ARB2A: variants seen among roughly 807,000 people sequenced by gnomAD.
The protein encoded by ARB2A is cotranscriptional regulator ARB2A.
the ARB2A span, among the ~76,000 whole-genome samples, chr5:94,084,137 G>A: frequency 9.9e-5 from 15 of 151,830 alleles, no homozygotes; most frequent in Admixed American, 7.9e-4. Flanking sequence ...AGCCGGGCAT[G>A]GTGGCAGGCA....
At chr5:93,754,353 A>T in the ARB2A span, among the ~76,000 whole-genome samples, 3 of 152,134 alleles carry the variant, frequency 2.0e-5, no homozygotes, top group Non-Finnish European at 4.4e-5. Flanking sequence ...ACCTTCATCT[A>T]TTGCAGTTCA....
the ARB2A span, among the ~76,000 whole-genome samples, chr5:93,937,483 G>T: frequency 1.3e-5 from 2 of 151,716 alleles, no homozygotes; most frequent in South Asian, 4.2e-4. Context: ...GTGGTGGCAT[G>T]CACCTGTAGT....
At chr5:93,977,728 C>T in the ARB2A span, among the ~76,000 whole-genome samples, 743 of 152,140 alleles carry the variant, frequency 4.9e-3, 2 homozygotes, top group Non-Finnish European at 7.6e-3. Flanking sequence ...TGACAAAGTC[C>T]TCAAAAGCAA....
chr5:93,854,108 G>A, the ARB2A span, among the ~76,000 whole-genome samples: 1 of 152,120 alleles, frequency 6.6e-6, no homozygotes. Flanking sequence ...TGGTTGGTAA[G>A]CTATTGATTA....
chr5:93,888,368 A>T, the ARB2A span, among the ~76,000 whole-genome samples: 14 of 151,844 alleles, frequency 9.2e-5, no homozygotes, highest in African/African-American at 3.1e-4. Context: ...ACAAGTTAAA[A>T]CTGTTGCCCA....
At chr5:93,832,238 G>A in the ARB2A span, among the ~76,000 whole-genome samples, 9 of 152,196 alleles carry the variant, frequency 5.9e-5, no homozygotes, top group South Asian at 1.5e-3. Flanking sequence ...GGCTCACCTT[G>A]AGCAGATGCA....
At chr5:93,871,576 A>C in the ARB2A span, among the ~76,000 whole-genome samples, 2 of 152,218 alleles carry the variant, frequency 1.3e-5, no homozygotes, top group East Asian at 1.9e-4. Context: ...AATGAAGACA[A>C]CATATTATAA....
chr5:93,642,815 C>T, the ARB2A span, among the ~76,000 whole-genome samples: 1 of 152,176 alleles, frequency 6.6e-6, no homozygotes, highest in African/African-American at 2.4e-5. Context: ...CCACTGTGTC[C>T]AGCCCCTATT....
At chr5:94,032,497 A>G in the ARB2A span, among the ~76,000 whole-genome samples, 4 of 152,120 alleles carry the variant, frequency 2.6e-5, no homozygotes, top group Admixed American at 6.5e-5. Flanking sequence ...CCATGATCCA[A>G]TCGCTTCCCA....
the ARB2A span, among the ~76,000 whole-genome samples, chr5:94,092,905 G>A: frequency 6.6e-6 from 1 of 152,050 alleles, no homozygotes; most frequent in Non-Finnish European, 1.5e-5. Context: ...TGTTTAAAAT[G>A]TTCTAAAGGA....
At chr5:93,982,682 G>A in the ARB2A span, among the ~76,000 whole-genome samples, 1 of 152,156 alleles carries the variant, frequency 6.6e-6, no homozygotes, top group Non-Finnish European at 1.5e-5. Flanking sequence ...CTACTCCTAG[G>A]CTACAAACTT....
the ARB2A span, among the ~76,000 whole-genome samples, chr5:93,950,938 T>C: frequency 6.3e-5 from 9 of 142,718 alleles, no homozygotes; most frequent in Admixed American, 5.6e-4. Flanking sequence ...AGTGAGACTC[T>C]GTCTCAAAAA....
At chr5:93,914,211 T>G in the ARB2A span, among the ~76,000 whole-genome samples, 3 of 151,954 alleles carry the variant, frequency 2.0e-5, no homozygotes, top group African/African-American at 7.2e-5. Flanking sequence ...TTAGTAACAC[T>G]TTGAATTCTG....
chr5:93,706,427 TA>T, the ARB2A span, among the ~76,000 whole-genome samples: 1 of 152,344 alleles, frequency 6.6e-6, no homozygotes, highest in East Asian at 1.9e-4. Context: ...TTTATGGGTC[TA>T]AAGTTTCTTT....
At chr5:93,688,041 T>C in the ARB2A span, among the ~76,000 whole-genome samples, 1 of 152,108 alleles carries the variant, frequency 6.6e-6, no homozygotes, top group South Asian at 2.1e-4. Context: ...TGGCATGATC[T>C]TGGCTCACTG....
chr5:94,077,995 T>C, the ARB2A span, among the ~76,000 whole-genome samples: 1 of 152,354 alleles, frequency 6.6e-6, no homozygotes, highest in South Asian at 2.1e-4. Context: ...CAGTCAGCAT[T>C]TGAAAATATG....
chr5:93,826,935 T>G, the ARB2A span, among the ~76,000 whole-genome samples: 21 of 152,258 alleles, frequency 1.4e-4, no homozygotes, highest in Non-Finnish European at 2.6e-4. Context: ...TCATCATTTT[T>G]TATGGCTGCA....
chr5:93,980,385 TC>T, the ARB2A span, among the ~76,000 whole-genome samples: 1 of 152,172 alleles, frequency 6.6e-6, no homozygotes, highest in Non-Finnish European at 1.5e-5. Flanking sequence ...TTTATAATCT[TC>T]CCTATGCCTT....
the ARB2A span, chr5:93,964,565 C>G: frequency 7.0e-7 from 1 of 1,422,650 alleles, no homozygotes; most frequent in Non-Finnish European, 9.6e-7. Flanking sequence ...CAATGTCATC[C>G]ATTATCAAAA....
Sources: gnomAD v4.1 joint callset for allele counts (sites outside exome capture counted in the v4.1 genomes callset) on GRCh38, gnomAD v4.1.1 for gene constraint, MANE v1.5 for transcripts, NCBI Gene and HGNC (gene_info 2026-07-23, HGNC 2026-07-21) for gene names.